VPS13B: variants seen among roughly 807,000 people sequenced by gnomAD.
The protein encoded by VPS13B is vacuolar protein sorting 13 homolog B, also known as intermembrane lipid transfer protein VPS13B.
VPS13B carries 285 observed loss-of-function variants against 426.4 expected under a neutral mutation model. The observed-to-expected ratio is 0.67, with a 90% confidence interval of 0.61 to 0.74. The LOEUF (loss-of-function observed/expected upper bound fraction) is 0.74, where lower values mean the gene tolerates loss of function less well. VPS13B is among the 30% of genes least tolerant of loss of function. The pLI, the probability that VPS13B is intolerant of heterozygous loss-of-function variation, is 0.00. For synonymous variants in VPS13B, 1,676 were observed against 1,676.4 expected, an observed-to-expected ratio of 1.00 and a Z score of 0.01; for missense variants, 4,537 against 4,782.6, an observed-to-expected ratio of 0.95 and a Z score of 1.51.
intron 35 of VPS13B, among the ~76,000 whole-genome samples, chr8:99,684,546 A>G (rs1325686237): frequency 6.6e-6 from 1 of 152,148 alleles, no homozygotes; most frequent in Non-Finnish European, 1.5e-5. Context: ...AGGGGAGGAA[A>G]AATTAGAAAC....
At chr8:99,575,890 A>C in intron 32 of VPS13B, 106 bp downstream of exon 32, 143 of 1,073,996 alleles carry the variant, frequency 1.3e-4, no homozygotes, top group Middle Eastern at 2.4e-4. Context: ...AAATTAGCTC[A>C]TTAATAATAA....
At position 99,776,810 on chromosome 8, in the gene VPS13B, A is replaced by G; in HGVS notation, c.7283A>G (p.Asp2428Gly). 1 of 1,613,968 alleles carries G rather than the reference A, an allele frequency of 6.2e-7. No individual in the cohort carries two copies. The highest frequency in any genetic ancestry group is 1.1e-5 in the South Asian group (1 of 91,084). Reference protein sequence around the residue: ...ASESGSQSTCDPLVTPTALAA... With the variant: ...ASESGSQSTCGPLVTPTALAA... ...GAGTCTGGTTCTCAAAGCACTTGTG[A>G]TCCACTTGTGACTCCAACAGCCCTG... Residue 2428 changes from aspartate to glycine, a missense_variant, in exon 41 of 62, where the codon GAT becomes GGT. This residue lies in a region of VPS13B where 4,311 missense variants were observed against 4,474.3 expected (regional missense o/e 0.96). Coordinates refer to ENST00000357162, the MANE Select transcript of VPS13B (RefSeq NM_152564.5).
At chr8:99,204,626 T>C (rs540188782) in intron 17 of VPS13B, among the ~76,000 whole-genome samples, 1 of 152,146 alleles carries the variant, frequency 6.6e-6, no homozygotes, top group African/African-American at 2.4e-5. Context: ...AAAGGTCTAA[T>C]ATTCAGAATC....
chr8:99,704,409 T>A (rs1832413198), intron 36 of VPS13B, among the ~76,000 whole-genome samples: 1 of 152,180 alleles, frequency 6.6e-6, no homozygotes, highest in Non-Finnish European at 1.5e-5. Flanking sequence ...AGGGAAAATC[T>A]TATAAGGCAT....
chr8:99,461,114 A>T (rs565341528), intron 23 of VPS13B, among the ~76,000 whole-genome samples: 2 of 152,156 alleles, frequency 1.3e-5, no homozygotes, highest in South Asian at 4.1e-4. Flanking sequence ...CTGCAAGTCT[A>T]ACCCAAATCC....
chr8:99,870,968 C>A, intron 60 of VPS13B, 81 bp downstream of exon 60: 1 of 1,414,730 alleles, frequency 7.1e-7, no homozygotes, highest in Non-Finnish European at 9.9e-7. Flanking sequence ...AGCTAATGGG[C>A]CATGCTTCCA....
At chr8:99,434,954 A>G (rs1366499170) in intron 22 of VPS13B, among the ~76,000 whole-genome samples, 1 of 152,184 alleles carries the variant, frequency 6.6e-6, no homozygotes, top group Non-Finnish European at 1.5e-5. Context: ...ATGTTGGGCT[A>G]TATGCTGAGA....
intron 21 of VPS13B, among the ~76,000 whole-genome samples, chr8:99,411,526 G>A (rs1024050265): frequency 8.5e-5 from 13 of 152,274 alleles, no homozygotes; most frequent in East Asian, 3.9e-4. Flanking sequence ...TGTTCACTCC[G>A]ATGATAGTTT....
chr8:99,864,645 G>A (rs1158916385), intron 58 of VPS13B, among the ~76,000 whole-genome samples: 4 of 152,302 alleles, frequency 2.6e-5, no homozygotes, highest in East Asian at 1.9e-4. Context: ...AGACAGAAAC[G>A]TTAAGGACCC....
chr8:99,222,981 T>C (rs4481561), intron 17 of VPS13B, among the ~76,000 whole-genome samples: 125,482 of 151,996 alleles, frequency 0.83, 52,309 homozygotes, highest in South Asian at 0.89. Flanking sequence ...GGATTACAGG[T>C]GCACACCACC....
intron 17 of VPS13B, among the ~76,000 whole-genome samples, chr8:99,268,610 G>A (rs766223986): frequency 3.3e-5 from 5 of 152,188 alleles, no homozygotes; most frequent in African/African-American, 1.2e-4. Flanking sequence ...ATTTGGAATG[G>A]ATGTATTTGC....
intron 19 of VPS13B, among the ~76,000 whole-genome samples, chr8:99,334,854 AG>A (rs1189765252): frequency 6.6e-6 from 1 of 152,180 alleles, no homozygotes; most frequent in Non-Finnish European, 1.5e-5. Context: ...CTTTGGTATC[AG>A]GATGACACTG....
chr8:99,449,201 A>G (rs1463051471), intron 23 of VPS13B, among the ~76,000 whole-genome samples: 2 of 152,214 alleles, frequency 1.3e-5, no homozygotes. Flanking sequence ...TAATGACTGG[A>G]TTAGTTATGG....
chr8:99,335,691 A>G (rs1810808074), intron 19 of VPS13B, among the ~76,000 whole-genome samples: 1 of 152,174 alleles, frequency 6.6e-6, no homozygotes, highest in Admixed American at 6.5e-5. Flanking sequence ...TCAATGTGCA[A>G]AAATCACAAG....
intron 20 of VPS13B, among the ~76,000 whole-genome samples, chr8:99,387,632 T>C (rs946208747): frequency 1.3e-5 from 2 of 152,152 alleles, no homozygotes; most frequent in East Asian, 3.8e-4. Context: ...CTCTTGAATG[T>C]TCCCCCTGCC....
chr8:99,570,335 G>A (rs1199759870), intron 31 of VPS13B, among the ~76,000 whole-genome samples: 4 of 151,544 alleles, frequency 2.6e-5, no homozygotes, highest in Admixed American at 6.6e-5. Flanking sequence ...ATATATGTTG[G>A]ACTCATCTCT....
chr8:99,861,486 G>C (rs1816829115), intron 57 of VPS13B, among the ~76,000 whole-genome samples: 1 of 152,192 alleles, frequency 6.6e-6, no homozygotes, highest in South Asian at 2.1e-4. Context: ...ACTTTTCATA[G>C]AGACAGGGTT....
intron 14 of VPS13B, among the ~76,000 whole-genome samples, chr8:99,149,561 A>G (rs1588089318): frequency 6.6e-6 from 1 of 150,504 alleles, no homozygotes; most frequent in Non-Finnish European, 1.5e-5. Context: ...CAGGTGATCC[A>G]CCTGCCTCAG....
At chr8:99,667,962 C>T (rs538838630) in intron 35 of VPS13B, among the ~76,000 whole-genome samples, 10 of 152,044 alleles carry the variant, frequency 6.6e-5, no homozygotes, top group Admixed American at 6.6e-4. Flanking sequence ...AATAACATTC[C>T]CTTTCCTTGA....
Sources: allele counts gnomAD v4.1 joint callset (sites outside exome capture counted in the v4.1 genomes callset), GRCh38; gene constraint gnomAD v4.1.1; regional missense constraint gnomAD v4.1.1; transcripts MANE v1.5; gene names NCBI Gene and HGNC (gene_info 2026-07-23, HGNC 2026-07-21).